Variants in GOPC observed in about 807,000 individuals in gnomAD.
GOPC encodes the protein golgi associated PDZ and coiled-coil motif containing.
GOPC carries 32 observed loss-of-function variants against 51.2 expected under a neutral mutation model. That is an observed-to-expected ratio of 0.63 (90% CI 0.47 to 0.84). GOPC has a LOEUF of 0.84. Among genes scored for constraint, GOPC ranks in the 40% least tolerant of loss-of-function variants. The pLI, the probability that GOPC is intolerant of heterozygous loss-of-function variation, is 0.00. For synonymous variants in GOPC, 190 were observed against 205.1 expected (o/e 0.93, Z 0.63); for missense variants, 441 against 555.5 (o/e 0.79, Z 2.07).
intron 7 of GOPC, among the ~76,000 whole-genome samples, chr6:117,568,232 T>G (rs1779738851): frequency 6.6e-6 from 1 of 151,994 alleles, no homozygotes; most frequent in South Asian, 2.1e-4. Flanking sequence ...GATCGTTTTA[T>G]GTTAAAAGAA....
In GOPC at chr6:117,602,413, C is replaced by A. The variant is rs921056436; in HGVS notation, c.-125G>T. ...CACTCCGTCACCTCCCTTCACCTCG[C>A]GCCGTTAACGCCAGCAGCACAGTCA... is the stretch of plus-strand genomic sequence containing the variant. On this transcript the variant is annotated 5_prime_UTR_variant, in exon 1 of 9. Coordinates refer to ENST00000368498, the MANE Select transcript of GOPC (RefSeq NM_020399.4). 1 of 874,702 alleles carries A rather than the reference C, an allele frequency of 1.1e-6. No homozygotes were observed. Among genetic ancestry groups the A allele is most frequent in the East Asian group, 2.7e-5 (1 of 37,436 alleles). 54.2% of individuals were successfully genotyped at this position (874,702 alleles called of 1,614,324 possible).
chr6:117,601,889 T>G, intron 1 of GOPC, 115 bp downstream of exon 1: 9 of 1,169,778 alleles, frequency 7.7e-6, no homozygotes, highest in East Asian at 2.6e-5. Context: ...TCCCATCACA[T>G]TTGAAGCCCC....
chr6:117,598,608 G>A (rs1188128073), intron 1 of GOPC, among the ~76,000 whole-genome samples: 1 of 152,148 alleles, frequency 6.6e-6, no homozygotes, highest in Non-Finnish European at 1.5e-5. Flanking sequence ...TACCTCGCAT[G>A]TGCAGTTCAC....
intron 2 of GOPC, among the ~76,000 whole-genome samples, chr6:117,578,293 G>A (rs1461810687): frequency 6.6e-6 from 1 of 152,084 alleles, no homozygotes; most frequent in Non-Finnish European, 1.5e-5. Flanking sequence ...AAAAATTACT[G>A]AGAAAGATTT....
At chr6:117,565,881 A>G (rs1450842858) in intron 8 of GOPC, among the ~76,000 whole-genome samples, 2 of 152,168 alleles carry the variant, frequency 1.3e-5, no homozygotes, top group Non-Finnish European at 2.9e-5. Context: ...TAGTTCAGTC[A>G]CTTATGTACT....
At chr6:117,600,799 A>G (rs369186956) in intron 1 of GOPC, among the ~76,000 whole-genome samples, 17 of 152,366 alleles carry the variant, frequency 1.1e-4, no homozygotes, top group East Asian at 9.6e-4. Flanking sequence ...TACAGTAAGA[A>G]GTGATTACCT....
At chr6:117,583,850 T>C (rs1779994129) in intron 1 of GOPC, among the ~76,000 whole-genome samples, 1 of 152,328 alleles carries the variant, frequency 6.6e-6, no homozygotes, top group East Asian at 1.9e-4. Context: ...CAAAGTGTTA[T>C]CCTTCTATTC....
At chr6:117,578,338 G>A (rs1300604236) in intron 2 of GOPC, among the ~76,000 whole-genome samples, 3 of 152,092 alleles carry the variant, frequency 2.0e-5, no homozygotes, top group African/African-American at 4.8e-5. Flanking sequence ...TAACATCATG[G>A]AGAAGCATCT....
intron 1 of GOPC, among the ~76,000 whole-genome samples, chr6:117,587,475 T>TA (rs1357738497): frequency 6.6e-6 from 1 of 151,498 alleles, no homozygotes; most frequent in East Asian, 1.9e-4. Context: ...CCCCATTTCT[T>TA]AAAAAAACCA....
At chr6:117,584,886 A>C (rs1780007957) in intron 1 of GOPC, among the ~76,000 whole-genome samples, 1 of 148,784 alleles carries the variant, frequency 6.7e-6, no homozygotes, top group East Asian at 2.0e-4. Flanking sequence ...CCCCCACCTT[A>C]CTCTTGCTTC....
At chr6:117,575,494 CTTTT>C in intron 3 of GOPC, 142 bp from the exon 4 acceptor site, 1 of 784,512 alleles carries the variant, frequency 1.3e-6, no homozygotes, top group Non-Finnish European at 2.3e-6. Context: ...GGATGTAGTT[CTTTT>C]GAACTAGTAC....
At chr6:117,588,692 A>G (rs1201163047) in intron 1 of GOPC, among the ~76,000 whole-genome samples, 1 of 151,960 alleles carries the variant, frequency 6.6e-6, no homozygotes, top group Non-Finnish European at 1.5e-5. Context: ...ACATGTAATG[A>G]GTTTATTGTA....
At chr6:117,596,619 A>G (rs1413008974) in intron 1 of GOPC, among the ~76,000 whole-genome samples, 2 of 152,218 alleles carry the variant, frequency 1.3e-5, no homozygotes, top group African/African-American at 2.4e-5. Flanking sequence ...TGGCTTGCCA[A>G]TTGTCCCAGC....
rs748397494 is a variant in GOPC at position 117,569,564 on chromosome 6, G to A, written c.1077+8C>T. 3.1e-5 allele frequency: 50 copies of A among 1,611,538 alleles called. No individual in the cohort carries two copies. The Admixed American group carries it at 6.4e-4, about 21-fold the overall frequency. ...AGATCCAGTTCTAATTACATGAAGG[G>A]AATTTACCTGCTGAGAAAGAATAGT... is the stretch of plus-strand genomic sequence containing the variant. On this transcript the variant is annotated splice_region_variant and intron_variant, in intron 7 of 8. Transcript: ENST00000368498.
In GOPC at chr6:117,602,003, C is replaced by G; in HGVS notation, c.285+1G>C. On this transcript the variant is annotated splice_donor_variant, in intron 1 of 8. Transcript: ENST00000368498. LOFTEE classifies it high-confidence loss of function. Reference sequence around the variant, plus strand: ...CATAGCCGCCAGCACCCACGGCTCACCTCCAGCTTGTGGTTGATTTGAGAC... The same window carrying G: ...CATAGCCGCCAGCACCCACGGCTCAGCTCCAGCTTGTGGTTGATTTGAGAC... 1 of 1,613,892 alleles carries G rather than the reference C, an allele frequency of 6.2e-7. No individual in the cohort carries two copies. The highest frequency in any genetic ancestry group is 2.2e-5 in the East Asian group (1 of 44,868).
intron 4 of GOPC, among the ~76,000 whole-genome samples, chr6:117,574,326 C>G (rs1329536689): frequency 6.6e-6 from 1 of 151,454 alleles, no homozygotes; most frequent in Non-Finnish European, 1.5e-5. Context: ...TTCTTTGTTC[C>G]ATGTTTTTAA....
intron 1 of GOPC, among the ~76,000 whole-genome samples, chr6:117,588,903 C>G (rs1780072693): frequency 6.6e-6 from 1 of 151,676 alleles, no homozygotes; most frequent in Non-Finnish European, 1.5e-5. Context: ...AGAACCTTGA[C>G]TTAGACCTTC....
In GOPC at chr6:117,602,328, G is replaced by C. The variant is rs369300741; in HGVS notation, c.-40C>G. ...CCTCTCCCGACTGCTGAAGACCCTC[G>C]CCGCCCCCCGCGCACGAAGGGAACT... On this transcript the variant is annotated 5_prime_UTR_variant, in exon 1 of 9. Coordinates refer to ENST00000368498, the MANE Select transcript of GOPC (RefSeq NM_020399.4). The C allele has an allele frequency of 1.3e-6, 2 of 1,514,226 alleles. No homozygotes were observed. Among genetic ancestry groups the C allele is most frequent in the Non-Finnish European group, 1.8e-6 (2 of 1,140,244 alleles). 93.8% of individuals were successfully genotyped at this position (1,514,226 alleles called of 1,614,324 possible).
intron 8 of GOPC, among the ~76,000 whole-genome samples, 166 bp from the exon 9 acceptor site, chr6:117,563,550 C>T (rs1016692768): frequency 6.6e-6 from 1 of 151,784 alleles, no homozygotes; most frequent in Non-Finnish European, 1.5e-5. Flanking sequence ...GGTGAAACCC[C>T]GTCTCTATTA....
Sources: allele counts gnomAD v4.1 joint callset (sites outside exome capture counted in the v4.1 genomes callset), GRCh38; gene constraint gnomAD v4.1.1; transcripts MANE v1.5; gene names NCBI Gene and HGNC (gene_info 2026-07-23, HGNC 2026-07-21).